ROBO2: variants seen among roughly 807,000 people sequenced by gnomAD.
The protein encoded by ROBO2 is roundabout guidance receptor 2.
ROBO2 carries 53 observed loss-of-function variants against 160.8 expected under a neutral mutation model. That is an observed-to-expected ratio of 0.33 (90% CI 0.26 to 0.41). The LOEUF is 0.41. ROBO2 is among the 10% of genes least tolerant of loss of function. The probability of loss-of-function intolerance (pLI) is 1.00; values close to 1 mark genes in which losing one functional copy is unlikely to be tolerated. For missense variants in ROBO2, 1,577 were observed against 1,722.4 expected (o/e 0.92, Z 1.49); for synonymous variants, 664 against 611.7 (o/e 1.09, Z -1.26).
intron 1 of ROBO2, among the ~76,000 whole-genome samples, chr3:77,057,767 T>G (rs1366572691): frequency 1.3e-5 from 2 of 151,770 alleles, no homozygotes; most frequent in African/African-American, 2.4e-5. Context: ...GACGGGGTTT[T>G]ACCATGTTGA....
intron 2 of ROBO2, among the ~76,000 whole-genome samples, chr3:76,719,642 G>A (rs1013995190): frequency 1.3e-5 from 2 of 152,170 alleles, no homozygotes; most frequent in Non-Finnish European, 2.9e-5. Flanking sequence ...CCAGCACTTT[G>A]GGAGGCCGAG....
intron 2 of ROBO2, among the ~76,000 whole-genome samples, chr3:76,599,438 T>C (rs1181981137): frequency 6.6e-6 from 1 of 152,180 alleles, no homozygotes; most frequent in Non-Finnish European, 1.5e-5. Flanking sequence ...TATTCCATAG[T>C]GTATACATAC....
chr3:76,927,369 C>T (rs2077050807), intron 2 of ROBO2, among the ~76,000 whole-genome samples: 1 of 152,134 alleles, frequency 6.6e-6, no homozygotes, highest in Non-Finnish European at 1.5e-5. Context: ...CTTCTAAGGA[C>T]ATTTTAAGAA....
intron 2 of ROBO2, among the ~76,000 whole-genome samples, chr3:76,030,720 T>A (rs1351575134): frequency 6.6e-6 from 1 of 152,050 alleles, no homozygotes; most frequent in African/African-American, 2.4e-5. Flanking sequence ...TGTTCCATTG[T>A]TCTATGTATC....
At chr3:76,856,265 C>T (rs181943875) in intron 2 of ROBO2, among the ~76,000 whole-genome samples, 7 of 152,264 alleles carry the variant, frequency 4.6e-5, no homozygotes, top group Admixed American at 2.6e-4. Context: ...GCCTTTAGAT[C>T]GATCCTTTAC....
intron 2 of ROBO2, among the ~76,000 whole-genome samples, chr3:76,662,270 A>T (rs2091856755): frequency 6.6e-6 from 1 of 152,228 alleles, no homozygotes; most frequent in South Asian, 2.1e-4. Context: ...CTGAGGCCAC[A>T]GTTGTTCTTG....
At chr3:77,229,631 A>C (rs1244587086) in intron 2 of ROBO2, among the ~76,000 whole-genome samples, 1 of 151,452 alleles carries the variant, frequency 6.6e-6, no homozygotes, top group East Asian at 1.9e-4. Context: ...ACTGCACCCC[A>C]GCCCAGGCAA....
chr3:76,854,837 T>G (rs916377851), intron 2 of ROBO2, among the ~76,000 whole-genome samples: 2 of 152,194 alleles, frequency 1.3e-5, no homozygotes, highest in Non-Finnish European at 2.9e-5. Context: ...TTTCTTCACC[T>G]ACTTAAAAGA....
At chr3:77,410,743 T>TTTCCTCCTCCTC (rs1293397382) in intron 2 of ROBO2, among the ~76,000 whole-genome samples, 254 of 29,554 alleles carry the variant, frequency 8.6e-3, no homozygotes, top group East Asian at 0.017. Context: ...TCCTCCTCCT[T>TTTCCTCCTCCTC]TTCCTCCTCC....
At chr3:76,096,826 C>T (rs766827893) in intron 2 of ROBO2, among the ~76,000 whole-genome samples, 2 of 152,152 alleles carry the variant, frequency 1.3e-5, no homozygotes, top group South Asian at 2.1e-4. Flanking sequence ...ATTGTAGAGA[C>T]GAGTTAATGA....
intron 2 of ROBO2, among the ~76,000 whole-genome samples, chr3:76,487,272 A>T (rs1577559103): frequency 6.6e-6 from 1 of 151,634 alleles, no homozygotes; most frequent in Non-Finnish European, 1.5e-5. Flanking sequence ...GAGCCACTGC[A>T]CCCAGCGAGA....
At chr3:76,545,493 G>T (rs1046525100) in intron 2 of ROBO2, among the ~76,000 whole-genome samples, 2 of 151,982 alleles carry the variant, frequency 1.3e-5, no homozygotes, top group African/African-American at 4.8e-5. Flanking sequence ...GGGAAACTGA[G>T]ATGATTCTCC....
intron 5 of ROBO2, among the ~76,000 whole-genome samples, chr3:77,501,320 T>C (rs1477655487): frequency 6.6e-6 from 1 of 152,068 alleles, no homozygotes; most frequent in African/African-American, 2.4e-5. Flanking sequence ...AAAAAAAAAG[T>C]TGTTTAATTA....
chr3:76,128,588 C>CT (rs144729721), intron 2 of ROBO2, among the ~76,000 whole-genome samples: 57,172 of 151,618 alleles, frequency 0.38, 13,361 homozygotes, highest in South Asian at 0.59. Flanking sequence ...CATTCTTTCC[C>CT]TGAAGGATAG....
At chr3:75,996,753 TA>T in intron 2 of ROBO2, among the ~76,000 whole-genome samples, 1 of 83,660 alleles carries the variant, frequency 1.2e-5, no homozygotes, top group Non-Finnish European at 3.1e-5. Context: ...AATTCTGATA[TA>T]TGTAAATCAT....
intron 2 of ROBO2, among the ~76,000 whole-genome samples, chr3:76,395,612 A>T (rs979913599): frequency 4.6e-5 from 7 of 152,236 alleles, no homozygotes; most frequent in African/African-American, 1.4e-4. Flanking sequence ...AGAATCAAAT[A>T]GACGCAATAA....
chr3:77,490,848 C>T (rs992332641), intron 4 of ROBO2, among the ~76,000 whole-genome samples: 4 of 152,180 alleles, frequency 2.6e-5, no homozygotes, highest in Non-Finnish European at 5.9e-5. Context: ...GTCCCCTTTT[C>T]GACATCCTAT....
chr3:77,244,630 A>G (rs1580330074), intron 2 of ROBO2, among the ~76,000 whole-genome samples: 1 of 152,160 alleles, frequency 6.6e-6, no homozygotes, highest in East Asian at 1.9e-4. Context: ...CTGTAATCCC[A>G]GCAGTTTGGG....
intron 2 of ROBO2, among the ~76,000 whole-genome samples, chr3:77,001,853 T>C (rs1205938188): frequency 6.6e-6 from 1 of 152,200 alleles, no homozygotes; most frequent in Admixed American, 6.5e-5. Flanking sequence ...TGTGTGACCA[T>C]CTGCTTAGAA....
Sources: gnomAD v4.1 joint callset for allele counts (sites outside exome capture counted in the v4.1 genomes callset) on GRCh38, gnomAD v4.1.1 for gene constraint, MANE v1.5 for transcripts, NCBI Gene and HGNC (gene_info 2026-07-23, HGNC 2026-07-21) for gene names.